Variants in PTPRG observed in about 807,000 individuals in gnomAD.
PTPRG encodes receptor-type tyrosine-protein phosphatase gamma.
A neutral mutation model predicts 165.3 loss-of-function variants in PTPRG; 102 were observed. That is an observed-to-expected ratio of 0.62 (90% CI 0.53 to 0.73). PTPRG has a LOEUF of 0.73. Ranked by LOEUF, PTPRG falls within the 30% of genes least tolerant of loss-of-function variation. PTPRG has a pLI of 0.00. For synonymous variants in PTPRG, 675 were observed against 669.5 expected, an observed-to-expected ratio of 1.01 and a Z score of -0.13; for missense variants, 1,866 against 1,861.4, an observed-to-expected ratio of 1.00 and a Z score of -0.05.
chr3:61,803,273 CATT>C (rs1306830762), intron 2 of PTPRG, among the ~76,000 whole-genome samples: 1 of 152,066 alleles, frequency 6.6e-6, no homozygotes, highest in Non-Finnish European at 1.5e-5. Context: ...TTATTCAACC[CATT>C]ATCTCTGCAA....
chr3:61,650,024 T>G (rs141009123), intron 1 of PTPRG, among the ~76,000 whole-genome samples: 7 of 151,930 alleles, frequency 4.6e-5, no homozygotes, highest in Non-Finnish European at 1.0e-4. Context: ...ATAAGGGGAG[T>G]CTCTGGTTTC....
At position 62,190,507 on chromosome 3, in the gene PTPRG, T is replaced by C. The variant is rs772441091; in HGVS notation, c.1034-962T>C. On this transcript the variant is annotated intron_variant, in intron 8 of 29. Transcript: ENST00000474889. This position sits in a 1 kb window ranked among gnomAD's most constrained non-coding sequence, Gnocchi z 5.2. Reference sequence around the variant, plus strand: ...CTCAACACTTTCATAGGTTTGTCTGTAAATAGATTTAGATCCACCGTGTCC... The same window carrying C: ...CTCAACACTTTCATAGGTTTGTCTGCAAATAGATTTAGATCCACCGTGTCC... 1.3e-5 allele frequency among the ~76,000 whole-genome samples: 2 copies of C among 152,158 alleles called. No individual in the cohort carries two copies. The highest frequency in any genetic ancestry group is 2.9e-5 in the Non-Finnish European group (2 of 68,028).
At chr3:62,226,472 T>C (rs1700766393) in intron 13 of PTPRG, among the ~76,000 whole-genome samples, 1 of 152,232 alleles carries the variant, frequency 6.6e-6, no homozygotes, top group Non-Finnish European at 1.5e-5. Flanking sequence ...ACATCTCCAT[T>C]ATTTGAGAAG....
intron 4 of PTPRG, among the ~76,000 whole-genome samples, chr3:62,019,794 A>G (rs2041643164): frequency 6.6e-6 from 1 of 152,212 alleles, no homozygotes; most frequent in African/African-American, 2.4e-5. Flanking sequence ...AAAAAATTAA[A>G]AACAAAAACT....
intron 4 of PTPRG, among the ~76,000 whole-genome samples, chr3:62,058,093 T>C (rs1700688650): frequency 6.6e-6 from 1 of 152,196 alleles, no homozygotes; most frequent in Admixed American, 6.5e-5. Context: ...GCAGTGCTAG[T>C]ATGGATGTGC....
chr3:61,791,832 C>T lies in PTPRG; in HGVS notation c.190+42850C>T, dbSNP rs570799907. On this transcript the variant is annotated intron_variant, in intron 2 of 29. Transcript: ENST00000474889. Reference sequence around the variant, plus strand: ...ATATTTATTCAATGACATCTATAAACTACAAGTGTCTGTGCTAGTTCGGAT... The same window carrying T: ...ATATTTATTCAATGACATCTATAAATTACAAGTGTCTGTGCTAGTTCGGAT... Among the ~76,000 whole-genome samples, 37 of 152,304 alleles carry T rather than the reference C, an allele frequency of 2.4e-4. 1 individual carries two copies. Among genetic ancestry groups the T allele is most frequent in the Admixed American group, 2.2e-3 (34 of 15,294 alleles).
At chr3:62,018,253 T>A (rs11718530) in intron 4 of PTPRG, among the ~76,000 whole-genome samples, 10,824 of 152,210 alleles carry the variant, frequency 0.071, 395 homozygotes, top group Non-Finnish European at 0.083. Context: ...AAAGCCAAAT[T>A]TGAGTAATTT....
chr3:61,813,351 A>T (rs2107220223), intron 2 of PTPRG, among the ~76,000 whole-genome samples: 1 of 149,836 alleles, frequency 6.7e-6, no homozygotes. Flanking sequence ...AAAAAATAGA[A>T]AAAAAATAGA....
intron 1 of PTPRG, among the ~76,000 whole-genome samples, chr3:61,588,113 T>C (rs1320031292): frequency 6.6e-6 from 1 of 152,178 alleles, no homozygotes; most frequent in Admixed American, 6.5e-5. Context: ...CACTTAATTT[T>C]GTAGACTCTC....
chr3:61,569,190 A>G (rs1431230037), intron 1 of PTPRG, among the ~76,000 whole-genome samples: 1 of 152,142 alleles, frequency 6.6e-6, no homozygotes, highest in African/African-American at 2.4e-5. Flanking sequence ...ATGCTTTTCT[A>G]TTTGTTTTCT....
At chr3:62,013,521 T>C (rs1047848054) in intron 4 of PTPRG, among the ~76,000 whole-genome samples, 2 of 152,216 alleles carry the variant, frequency 1.3e-5, no homozygotes, top group Non-Finnish European at 1.5e-5. Flanking sequence ...TTAATAAAAA[T>C]GTATTGTATG....
intron 1 of PTPRG, among the ~76,000 whole-genome samples, chr3:61,688,624 A>T (rs1179016610): frequency 2.6e-5 from 4 of 152,216 alleles, no homozygotes; most frequent in African/African-American, 9.7e-5. Context: ...AGTCAGAGTG[A>T]AAGAAAGGAG....
At chr3:62,101,672 G>T (rs553132053) in intron 5 of PTPRG, among the ~76,000 whole-genome samples, 1 of 152,298 alleles carries the variant, frequency 6.6e-6, no homozygotes, top group South Asian at 2.1e-4. Flanking sequence ...TTTGGCAGTG[G>T]CCTCCAGTGG....
At chr3:61,730,957 A>G (rs890827191) in intron 1 of PTPRG, among the ~76,000 whole-genome samples, 13 of 152,202 alleles carry the variant, frequency 8.5e-5, no homozygotes, top group African/African-American at 2.9e-4. Flanking sequence ...CTATAATGAA[A>G]TTGTCCTATT....
At chr3:61,773,488 A>T (rs1224850253) in intron 2 of PTPRG, among the ~76,000 whole-genome samples, 2 of 152,182 alleles carry the variant, frequency 1.3e-5, no homozygotes, top group African/African-American at 4.8e-5. Flanking sequence ...CCAAAATAAA[A>T]GACTTTTGGG....
rs927388074 is a variant in PTPRG at position 62,190,096 on chromosome 3, G to A, written c.1034-1373G>A. On this transcript the variant is annotated intron_variant, in intron 8 of 29. Transcript: ENST00000474889. This position sits in a 1 kb window ranked among gnomAD's most constrained non-coding sequence, Gnocchi z 5.2. The stretch of plus-strand genomic sequence containing the variant: ...TCCTGGCGTGCAGTGATGGCTCTGC[G>A]CATGGGATTCTTTGGTGAGCCTCCA... 1.3e-5 allele frequency among the ~76,000 whole-genome samples: 2 copies of A among 152,148 alleles called. No individual in the cohort carries two copies. The highest frequency in any genetic ancestry group is 4.8e-5 in the African/African-American group (2 of 41,430).
chr3:62,069,684 T>TCTCTCTCTCTCACATACA lies in PTPRG; in HGVS notation c.520-8478_520-8477insTCTCTCTCTCACATACAC, dbSNP rs542306888. On this transcript the variant is annotated intron_variant, in intron 4 of 29. Coordinates refer to ENST00000474889, the MANE Select transcript of PTPRG (RefSeq NM_002841.4). ...CTCTCTCTCTCTCTCTCTCTCTCTC[T>TCTCTCTCTCTCACATACA]CACACACAGACACACGCACACACAC... Among the ~76,000 whole-genome samples, 4 of 145,064 alleles carry TCTCTCTCTCTCACATACA rather than the reference T, an allele frequency of 2.8e-5. No homozygotes were observed. The East Asian group carries it at 8.9e-4, about 32-fold the overall frequency.
At chr3:61,602,995 C>G (rs1700910062) in intron 1 of PTPRG, among the ~76,000 whole-genome samples, 1 of 152,192 alleles carries the variant, frequency 6.6e-6, no homozygotes, top group African/African-American at 2.4e-5. Flanking sequence ...GGTAGTATTA[C>G]TGTATAATGG....
At chr3:62,280,081 A>C (rs1702375913) in intron 26 of PTPRG, among the ~76,000 whole-genome samples, 2 of 152,090 alleles carry the variant, frequency 1.3e-5, no homozygotes, top group Admixed American at 1.3e-4. Flanking sequence ...TTAATCTTAA[A>C]ATGGATGAAC....
Sources: gnomAD v4.1 joint callset for allele counts (sites outside exome capture counted in the v4.1 genomes callset) on GRCh38, gnomAD v4.1.1 for gene constraint, Gnocchi (gnomAD v3.1) non-coding constraint, MANE v1.5 for transcripts, NCBI Gene and HGNC (gene_info 2026-07-23, HGNC 2026-07-21) for gene names.